The following GIMAP1 variants were observed in gnomAD, a reference collection of about 807,000 sequenced individuals.
GIMAP1 encodes the protein GTPase, IMAP family member 1.
For missense variants in GIMAP1, 423 were observed against 411.9 expected, an observed-to-expected ratio of 1.03 and a Z score of -0.23; for synonymous variants, 230 against 187.7, an observed-to-expected ratio of 1.23 and a Z score of -1.84.
rs770544026 is a variant in GIMAP1 at position 150,720,548 on chromosome 7, G to A, written c.544G>A (p.Gly182Arg). ...CTTGCGCGAGCTGGTGGCCGAGTGC[G>A]GGGGCCGGGTCTGTGCCTTTGATAA... ...RALRELVAEC[G>R]GRVCAFDNRA... Residue 182 changes from glycine to arginine, a missense_variant, in exon 3 of 3, where the codon GGG becomes AGG. Physicochemically the swap from Gly to Arg is moderately radical, Grantham distance 125. Transcript: ENST00000307194. This position sits in a 1 kb window ranked among gnomAD's most constrained non-coding sequence, Gnocchi z 4.5. The A allele has an allele frequency of 3.4e-5, 54 of 1,611,086 alleles. No homozygotes were observed. Among genetic ancestry groups the A allele is most frequent in the Admixed American group, 6.7e-5 (4 of 59,546 alleles).
chr7:150,719,996 C>A, intron 2 of GIMAP1, 52 bp from the exon 3 acceptor site: 1 of 1,502,280 alleles, frequency 6.7e-7, no homozygotes, highest in Middle Eastern at 1.8e-4. Flanking sequence ...ATTCCAGTTC[C>A]CAAGGGGAAG....
Position 150,720,028 on chromosome 7 carries a change from T to A in GIMAP1, c.44-20T>A, listed in dbSNP as rs1267990482. The A allele has an allele frequency of 7.1e-6, 11 of 1,545,072 alleles. No individual in the cohort carries two copies. Among genetic ancestry groups the A allele is most frequent in the Non-Finnish European group, 9.6e-6 (11 of 1,144,778 alleles). The stretch of plus-strand genomic sequence containing the variant: ...GAAGTTGGTTAAACTTAAGTAAGAT[T>A]ATAACACTTGGTCTCACAGGTTTAG... On this transcript the variant is annotated intron_variant, in intron 2 of 2. Transcript: ENST00000307194. The surrounding 1 kb of genome is among the most constrained non-coding windows in gnomAD (Gnocchi z 4.5).
rs897115954 is a variant in GIMAP1, at chr7:150,719,177, C to A, written c.43+87C>A. The stretch of plus-strand genomic sequence containing the variant: ...AGAATGGGGCTTCCTCAAGACTGAA[C>A]AGAGATAAGTTCCAGAGGTGTCTCA... On this transcript the variant is annotated intron_variant, in intron 2 of 2. Transcript: ENST00000307194. 5 of 1,562,182 alleles carry A rather than the reference C, an allele frequency of 3.2e-6. No individual in the cohort carries two copies. The African/African-American group carries it at 5.4e-5, about 17-fold the overall frequency.
chr7:150,718,726 C>G (rs989594516), intron 1 of GIMAP1, among the ~76,000 whole-genome samples: 2 of 152,190 alleles, frequency 1.3e-5, no homozygotes, highest in Admixed American at 1.3e-4. Flanking sequence ...AGCATCCTAC[C>G]AACTCAAGGG....
chr7:150,722,548 T>C lies in GIMAP1; in HGVS notation c.*1623T>C, dbSNP rs1251925650. The C allele has an allele frequency of 6.6e-6, 1 of 152,320 alleles. No individual in the cohort carries two copies. Among genetic ancestry groups the C allele is most frequent in the Non-Finnish European group, 1.5e-5 (1 of 68,096 alleles). 9.4% of individuals were successfully genotyped at this position (152,320 alleles called of 1,614,324 possible). On this transcript the variant is annotated 3_prime_UTR_variant, in exon 3 of 3. Coordinates refer to ENST00000307194, the MANE Select transcript of GIMAP1 (RefSeq NM_130759.4). ...GGGGCCTCGAGCCAGGGAAGGATCC[T>C]TTGATGACCAGAGGGGACAGCAGGG...
At position 150,720,791 on chromosome 7, in the gene GIMAP1, C is replaced by G. The variant is rs375206213; in HGVS notation, c.787C>G (p.Arg263Gly). Residue 263 changes from arginine to glycine, a missense_variant, in exon 3 of 3, where the codon CGG becomes GGG. By Grantham distance (125) the Arg-to-Gly change is moderately radical. Coordinates refer to ENST00000307194, the MANE Select transcript of GIMAP1 (RefSeq NM_130759.4). The surrounding 1 kb of genome is among the most constrained non-coding windows in gnomAD (Gnocchi z 4.5). ...RRPWGAWLSA[R>G]LWKWLKSPRS... ...GCCATGGGGCGCCTGGCTGTCGGCC[C>G]GGCTGTGGAAGTGGCTGAAGTCCCC... The G allele has an allele frequency of 2.5e-6, 4 of 1,584,326 alleles. No homozygotes were observed. Among genetic ancestry groups the G allele is most frequent in the East Asian group, 2.3e-5 (1 of 43,278 alleles).
chr7:150,717,439 T>G (rs1797233039), intron 1 of GIMAP1, among the ~76,000 whole-genome samples: 1 of 152,190 alleles, frequency 6.6e-6, no homozygotes, highest in Non-Finnish European at 1.5e-5. Context: ...ATTTGAGCGG[T>G]GAAGAACTCA....
rs1157430273 is a variant in GIMAP1, at chr7:150,720,936, C to A, written c.*11C>A. 1 of 1,507,926 alleles carries A rather than the reference C, an allele frequency of 6.6e-7. No homozygotes were observed. The allele number at this position is 1,507,926 out of a possible 1,614,324, so 93.4% of individuals were successfully genotyped here. A position where few individuals can be genotyped will look rare whatever the true frequency, so the allele number is the denominator to read the frequency against. ...GTCGGGCCTGACTGACAGCGCAGGTCCTAAAACTGAAGGCAACTTGGTTAA... is the reference window on the plus strand; with the variant it reads ...GTCGGGCCTGACTGACAGCGCAGGTACTAAAACTGAAGGCAACTTGGTTAA... On this transcript the variant is annotated 3_prime_UTR_variant, in exon 3 of 3. Transcript: ENST00000307194. This position sits in a 1 kb window ranked among gnomAD's most constrained non-coding sequence, Gnocchi z 4.5.
chr7:150,720,648 A>T lies in GIMAP1; in HGVS notation c.644A>T (p.His215Leu). The T allele has an allele frequency of 2.5e-6, 4 of 1,610,468 alleles. No homozygotes were observed. The highest frequency in any genetic ancestry group is 3.4e-6 in the Non-Finnish European group (4 of 1,178,310). The stretch of plus-strand genomic sequence containing the variant: ...ATGGTCGAGGGCTTGGTGCTGGAGC[A>T]CAAGGGCGCCCATTACTCCAACGAG... Reference protein sequence around the residue: ...LGMVEGLVLEHKGAHYSNEVY... With the variant: ...LGMVEGLVLELKGAHYSNEVY... The change falls in exon 3 of 3, where the codon CAC becomes CTC. Residue 215 changes from histidine (H) to leucine (L), a missense_variant. Transcript: ENST00000307194. This position sits in a 1 kb window ranked among gnomAD's most constrained non-coding sequence, Gnocchi z 4.5.
chr7:150,720,058 G>C lies in GIMAP1; in HGVS notation c.54G>C (p.Glu18Asp), dbSNP rs1797272430. Reference sequence around the variant, plus strand: ...CACTTGGTCTCACAGGTTTAGAAGAGAACGCTCAGTCCCGGCAGGAGTCCA... The same window carrying C: ...CACTTGGTCTCACAGGTTTAGAAGACAACGCTCAGTCCCGGCAGGAGTCCA... ...TDEENVYGLE[E>D]NAQSRQESTR... The change falls in exon 3 of 3, where the codon GAG becomes GAC. Residue 18 changes from glutamate (E) to aspartate (D), a missense_variant. Glu to Asp is a conservative substitution (Grantham distance 45, BLOSUM62 2). Transcript: ENST00000307194. The surrounding 1 kb of genome is among the most constrained non-coding windows in gnomAD (Gnocchi z 4.5). 6.3e-7 allele frequency: 1 copy of C among 1,595,490 alleles called. No individual in the cohort carries two copies. The highest frequency in any genetic ancestry group is 8.5e-7 in the Non-Finnish European group (1 of 1,169,610).
rs1006731379 is a variant in GIMAP1, at chr7:150,723,300, A to G, written c.*2375A>G. ...GGATCAACAAATGTTTGGAAAATGA[A>G]TTGTAAAGTTGACTTTCCTGTACCT... On this transcript the variant is annotated 3_prime_UTR_variant, in exon 3 of 3. Transcript: ENST00000307194. 6.6e-6 allele frequency: 1 copy of G among 152,128 alleles called. No individual in the cohort carries two copies. The highest frequency in any genetic ancestry group is 1.5e-5 in the Non-Finnish European group (1 of 68,030). 9.4% of individuals were successfully genotyped at this position (152,128 alleles called of 1,614,324 possible).
Position 150,720,049 on chromosome 7 carries a change from T to G in GIMAP1, c.45T>G (p.Gly15=), listed in dbSNP as rs1349336218. The G allele has an allele frequency of 6.3e-7, 1 of 1,587,416 alleles. No individual in the cohort carries two copies. The highest frequency in any genetic ancestry group is 1.3e-5 in the African/African-American group (1 of 74,266). ...KMATDEENVY[G]LEENAQSRQE... is the part of the protein sequence containing the mutation. Reference sequence around the variant, plus strand: ...AGATTATAACACTTGGTCTCACAGGTTTAGAAGAGAACGCTCAGTCCCGGC... The same window carrying G: ...AGATTATAACACTTGGTCTCACAGGGTTAGAAGAGAACGCTCAGTCCCGGC... Residue 15 remains glycine, a splice_region_variant and synonymous_variant, in exon 3 of 3, where the codon GGT becomes GGG. Transcript: ENST00000307194. This position sits in a 1 kb window ranked among gnomAD's most constrained non-coding sequence, Gnocchi z 4.5.
chr7:150,721,034 T>A lies in GIMAP1; in HGVS notation c.*109T>A. The stretch of plus-strand genomic sequence containing the variant: ...AGGAATCCTGTAGTTTCAGGCATAG[T>A]TTTAATGACACAGAAAACTTTGCTG... On this transcript the variant is annotated 3_prime_UTR_variant, in exon 3 of 3. Transcript: ENST00000307194. 9.3e-7 allele frequency: 1 copy of A among 1,079,304 alleles called. No individual in the cohort carries two copies. The highest frequency in any genetic ancestry group is 1.3e-6 in the Non-Finnish European group (1 of 799,922). 66.9% of individuals were successfully genotyped at this position (1,079,304 alleles called of 1,614,324 possible).
At position 150,720,115 on chromosome 7, in the gene GIMAP1, G is replaced by A; in HGVS notation, c.111G>A (p.Gly37=). ...TRRLILVGRT[G]AGKSATGNSI... is the part of the protein sequence containing the mutation. ...GGCTCATCCTTGTTGGGAGAACAGGGGCCGGGAAGAGCGCCACTGGGAACA... is the reference window on the plus strand; with the variant it reads ...GGCTCATCCTTGTTGGGAGAACAGGAGCCGGGAAGAGCGCCACTGGGAACA... Residue 37 remains glycine, a synonymous_variant, in exon 3 of 3, where the codon GGG becomes GGA. Transcript: ENST00000307194. This position sits in a 1 kb window ranked among gnomAD's most constrained non-coding sequence, Gnocchi z 4.5. 6.2e-7 allele frequency: 1 copy of A among 1,613,946 alleles called. No individual in the cohort carries two copies. Among genetic ancestry groups the A allele is most frequent in the Middle Eastern group, 1.6e-4 (1 of 6,062 alleles).
chr7:150,723,660 T>C lies in GIMAP1; in HGVS notation c.*2735T>C, dbSNP rs1797339575. ...CACTTATGTAATTTGAGTGATTTGA[T>C]AGCACAAATCAATTTTATACTTAAA... is the stretch of plus-strand genomic sequence containing the variant. On this transcript the variant is annotated 3_prime_UTR_variant, in exon 3 of 3. Coordinates refer to ENST00000307194, the MANE Select transcript of GIMAP1 (RefSeq NM_130759.4). The C allele has an allele frequency of 6.6e-6, 1 of 152,208 alleles. No homozygotes were observed. 9.4% of individuals were successfully genotyped at this position (152,208 alleles called of 1,614,324 possible).
rs867055931 is a variant in GIMAP1, at chr7:150,721,153, C to T, written c.*228C>T. On this transcript the variant is annotated 3_prime_UTR_variant, in exon 3 of 3. Coordinates refer to ENST00000307194, the MANE Select transcript of GIMAP1 (RefSeq NM_130759.4). ...TGTATGCAGAGTTTTAAAATAAATT[C>T]GTCTAACAATAACTTCCTTTGGTAG... 4.9e-6 allele frequency: 2 copies of T among 411,008 alleles called. No individual in the cohort carries two copies. Among genetic ancestry groups the T allele is most frequent in the Non-Finnish European group, 8.5e-6 (2 of 236,090 alleles). 25.5% of individuals were successfully genotyped at this position (411,008 alleles called of 1,614,324 possible).
At chr7:150,718,146 A>AT (rs1797243994) in intron 1 of GIMAP1, among the ~76,000 whole-genome samples, 1 of 152,114 alleles carries the variant, frequency 6.6e-6, no homozygotes, top group South Asian at 2.1e-4. Context: ...CGAGTGGGGT[A>AT]TTGTCTGGGA....
chr7:150,720,436 A>G lies in GIMAP1; in HGVS notation c.432A>G (p.Leu144=), dbSNP rs770477054. 1.9e-6 allele frequency: 3 copies of G among 1,574,382 alleles called. No individual in the cohort carries two copies. Among genetic ancestry groups the G allele is most frequent in the Non-Finnish European group, 2.6e-6 (3 of 1,158,704 alleles). The change falls in exon 3 of 3, where the codon CTA becomes CTG. Residue 144 remains leucine (L), a synonymous_variant. Transcript: ENST00000307194. This position sits in a 1 kb window ranked among gnomAD's most constrained non-coding sequence, Gnocchi z 4.5. The stretch of plus-strand genomic sequence containing the variant: ...GGGACATGTTCGGGGAGGACGTCCT[A>G]AAATGGATGGTCATCGTCTTCACCA... ...QVRDMFGEDV[L]KWMVIVFTRK...
At position 150,720,727 on chromosome 7, in the gene GIMAP1, G is replaced by C; in HGVS notation, c.723G>C (p.Arg241=). 1 of 1,569,880 alleles carries C rather than the reference G, an allele frequency of 6.4e-7. No homozygotes were observed. Among genetic ancestry groups the C allele is most frequent in the Non-Finnish European group, 8.6e-7 (1 of 1,157,656 alleles). Residue 241 remains arginine (R), a synonymous_variant, in exon 3 of 3, where the codon CGG becomes CGC. Coordinates refer to ENST00000307194, the MANE Select transcript of GIMAP1 (RefSeq NM_130759.4). This position sits in a 1 kb window ranked among gnomAD's most constrained non-coding sequence, Gnocchi z 4.5. ...GGGCAGGCCCTGAGGAGCGGCTCCG[G>C]CGGGTGGCGGAGCGCGTGGCAGCCA... is the stretch of plus-strand genomic sequence containing the variant. ...LRWAGPEERL[R]RVAERVAARV... is the part of the protein sequence containing the mutation.
Sources: allele counts gnomAD v4.1 joint callset (sites outside exome capture counted in the v4.1 genomes callset), GRCh38; gene constraint gnomAD v4.1.1; non-coding constraint Gnocchi (gnomAD v3.1); transcripts MANE v1.5; gene names NCBI Gene and HGNC (gene_info 2026-07-23, HGNC 2026-07-21).